Variants in FABP12 observed in about 807,000 individuals in gnomAD.
FABP12 encodes fatty acid-binding protein 12.
FABP12 carries 19 observed loss-of-function variants against 13.7 expected under a neutral mutation model. The ratio of observed to expected loss-of-function variants is 1.39; its 90% CI spans 0.97 to 2.04. The LOEUF (loss-of-function observed/expected upper bound fraction) is 2.04. Ranked by LOEUF, FABP12 falls within the 30% of genes most tolerant of loss-of-function variation. The pLI is 0.00. For missense variants in FABP12, 182 were observed against 164.2 expected (o/e 1.11, Z -0.59); for synonymous variants, 61 against 57.0 (o/e 1.07, Z -0.32).
chr8:81,554,858 A>C (rs889639917), intron 1 of FABP12, among the ~76,000 whole-genome samples: 1 of 152,152 alleles, frequency 6.6e-6, no homozygotes, highest in Non-Finnish European at 1.5e-5. Flanking sequence ...AAGTTTACGA[A>C]TTTGTGTTGG....
chr8:81,575,602 T>C (rs1241179500), intron 1 of FABP12, among the ~76,000 whole-genome samples: 1 of 152,340 alleles, frequency 6.6e-6, no homozygotes, highest in East Asian at 1.9e-4. Context: ...ATTTCTTGAG[T>C]CTATTAGTTA....
Position 81,579,584 on chromosome 8 carries a change from C to T in FABP12, c.-185+10469G>A, listed in dbSNP as rs145541691. Among the ~76,000 whole-genome samples, 579 of 152,242 alleles carry T rather than the reference C, an allele frequency of 3.8e-3. 4 individuals carry two copies. Among genetic ancestry groups the T allele is most frequent in the African/African-American group, 0.014 (562 of 41,548 alleles). The stretch of plus-strand genomic sequence containing the variant: ...ATTCTTGATTACTCTTTGACACTTG[C>T]TAAGCTTCTTTCAGATGAAAAAAGT... On this transcript the variant is annotated intron_variant, in intron 1 of 5. Coordinates refer to the FABP12 transcript ENST00000692030.
chr8:81,568,708 C>T (rs942651255), intron 1 of FABP12, among the ~76,000 whole-genome samples: 1 of 152,098 alleles, frequency 6.6e-6, no homozygotes. Flanking sequence ...TCCACAATTG[C>T]CAAAATTTGG....
chr8:81,534,680 T>C (rs1030447943), upstream of FABP12, among the ~76,000 whole-genome samples: 1 of 152,198 alleles, frequency 6.6e-6, no homozygotes. Flanking sequence ...AGGTGGCTCA[T>C]GCCTGTAATC....
chr8:81,534,982 A>T (rs181420539), upstream of FABP12, among the ~76,000 whole-genome samples: 241 of 152,304 alleles, frequency 1.6e-3, no homozygotes, highest in South Asian at 0.012. Context: ...TGTCTGTTCC[A>T]TGCAAATGCA....
chr8:81,547,461 C>T (rs1027050034), intron 1 of FABP12, among the ~76,000 whole-genome samples: 3 of 152,156 alleles, frequency 2.0e-5, no homozygotes, highest in Non-Finnish European at 4.4e-5. Context: ...AATTACTATG[C>T]CTTCATTTTA....
intron 3 of FABP12, among the ~76,000 whole-genome samples, chr8:81,529,026 C>T (rs1334281414): frequency 6.6e-6 from 1 of 152,128 alleles, no homozygotes; most frequent in Non-Finnish European, 1.5e-5. Flanking sequence ...TCACTCCAGG[C>T]TTGTGGTTCA....
chr8:81,540,169 T>C (rs1809312792), intron 1 of FABP12, among the ~76,000 whole-genome samples: 1 of 152,192 alleles, frequency 6.6e-6, no homozygotes, highest in Admixed American at 6.5e-5. Flanking sequence ...CCAAAGAACT[T>C]TTTAGAAATG....
At chr8:81,571,405 G>T (rs1258452789) in intron 1 of FABP12, among the ~76,000 whole-genome samples, 1 of 152,220 alleles carries the variant, frequency 6.6e-6, no homozygotes, top group Admixed American at 6.5e-5. Context: ...GAGGATGGGG[G>T]CGGCGCAGAT....
upstream of FABP12, among the ~76,000 whole-genome samples, chr8:81,537,410 CT>C (rs962743449): frequency 0.011 from 1,708 of 148,674 alleles, 27 homozygotes; most frequent in African/African-American, 0.036. Context: ...AATTCTTCTA[CT>C]TTTTTTTTTA....
intron 1 of FABP12, among the ~76,000 whole-genome samples, chr8:81,584,396 T>C (rs1264072414): frequency 2.6e-5 from 4 of 152,188 alleles, no homozygotes; most frequent in Non-Finnish European, 5.9e-5. Context: ...AGACTTCCCA[T>C]TATAGGTAAA....
At chr8:81,579,373 C>T (rs1810118742) in intron 1 of FABP12, among the ~76,000 whole-genome samples, 1 of 152,050 alleles carries the variant, frequency 6.6e-6, no homozygotes, top group Non-Finnish European at 1.5e-5. Context: ...ACTGAAGACC[C>T]ATTACCAAAA....
chr8:81,572,896 T>C (rs72686403), intron 1 of FABP12, among the ~76,000 whole-genome samples: 2,654 of 144,064 alleles, frequency 0.018, 29 homozygotes, highest in Non-Finnish European at 0.028. Context: ...TCCCACTCTG[T>C]GGGTTGTTTG....
At chr8:81,549,481 T>G (rs75532469) in intron 1 of FABP12, among the ~76,000 whole-genome samples, 1 of 152,178 alleles carries the variant, frequency 6.6e-6, no homozygotes, top group Admixed American at 6.6e-5. Flanking sequence ...GTGTATAGCG[T>G]TGGTCAATCC....
intron 1 of FABP12, among the ~76,000 whole-genome samples, chr8:81,580,850 G>A (rs1039363059): frequency 6.8e-6 from 1 of 146,702 alleles, no homozygotes; most frequent in African/African-American, 2.5e-5. Context: ...TAAGAGTCTT[G>A]AGTAAAATAT....
upstream of FABP12, among the ~76,000 whole-genome samples, chr8:81,535,689 C>T (rs965654816): frequency 3.3e-5 from 5 of 152,188 alleles, no homozygotes; most frequent in Non-Finnish European, 5.9e-5. Context: ...TTCCTCATTG[C>T]ATATTTTCTC....
At chr8:81,553,671 T>G (rs557084857) in intron 1 of FABP12, among the ~76,000 whole-genome samples, 2 of 152,338 alleles carry the variant, frequency 1.3e-5, no homozygotes, top group African/African-American at 4.8e-5. Flanking sequence ...CAGTTCAGGC[T>G]TATCCCACTA....
intron 3 of FABP12, among the ~76,000 whole-genome samples, chr8:81,528,285 T>C (rs1808961964): frequency 6.6e-6 from 1 of 152,014 alleles, no homozygotes; most frequent in East Asian, 1.9e-4. Context: ...TGCTATGTTG[T>C]TCAGGCTGGT....
At chr8:81,527,542 T>C (rs548700575) in intron 3 of FABP12, among the ~76,000 whole-genome samples, 1 of 152,164 alleles carries the variant, frequency 6.6e-6, no homozygotes, top group African/African-American at 2.4e-5. Context: ...TTTGTATTTT[T>C]AGTAAAGACG....
Sources: allele counts gnomAD v4.1 joint callset (sites outside exome capture counted in the v4.1 genomes callset), GRCh38; gene constraint gnomAD v4.1.1; transcripts MANE v1.5; gene names NCBI Gene and HGNC (gene_info 2026-07-23, HGNC 2026-07-21).